The following ZNF551 variants were observed in gnomAD, a reference collection of about 807,000 sequenced individuals.
ZNF551 encodes KOX 23 protein (56 AA).
ZNF551 carries 5 observed loss-of-function variants against 7.9 expected under a neutral mutation model. The observed-to-expected ratio is 0.63, with a 90% CI of 0.33 to 1.33. ZNF551 has a LOEUF of 1.33. Ranked by LOEUF, ZNF551 falls within the 40% of genes most tolerant of loss-of-function variation. The pLI, the probability that ZNF551 is intolerant of heterozygous loss-of-function variation, is 0.05. For missense variants in ZNF551, 788 were observed against 825.2 expected (o/e 0.95, Z 0.55); for synonymous variants, 287 against 277.3 (o/e 1.03, Z -0.35).
chr19:57,685,510 C>CT, intron 2 of ZNF551, 125 bp downstream of exon 2: 1 of 1,460,284 alleles, frequency 6.8e-7, no homozygotes, highest in Non-Finnish European at 9.6e-7. Context: ...GTCAGGATGA[C>CT]TGTGTACAGA....
At chr19:57,683,465 C>T (rs570882302) in intron 1 of ZNF551, among the ~76,000 whole-genome samples, 1 of 152,236 alleles carries the variant, frequency 6.6e-6, no homozygotes, top group South Asian at 2.1e-4. Flanking sequence ...TTTTGACCTG[C>T]TAAGAGTATG....
Position 57,685,223 on chromosome 19 carries a change from C to A in ZNF551, c.82-39C>A, listed in dbSNP as rs201686355. ...TTGGGGGCAAGAGGATAATGAACTC[C>A]GGGTCTGATCGTGGATTGAACTATT... On this transcript the variant is annotated intron_variant, in intron 1 of 2. Coordinates refer to ENST00000282296, the MANE Select transcript of ZNF551 (RefSeq NM_138347.5). 32 of 1,608,212 alleles carry A rather than the reference C, an allele frequency of 2.0e-5. No individual in the cohort carries two copies. The Admixed American group carries it at 5.0e-4, about 25-fold the overall frequency.
At chr19:57,686,148 T>C (rs1299242004) in intron 2 of ZNF551, among the ~76,000 whole-genome samples, 1 of 152,220 alleles carries the variant, frequency 6.6e-6, no homozygotes, top group Non-Finnish European at 1.5e-5. Context: ...CAAGTTTCAA[T>C]TGGATTTTCC....
intron 1 of ZNF551, among the ~76,000 whole-genome samples, chr19:57,683,584 G>A (rs764412269): frequency 7.2e-5 from 11 of 152,260 alleles, no homozygotes; most frequent in South Asian, 4.1e-4. Flanking sequence ...TCTGTGGGCC[G>A]GGGTGGAGCT....
chr19:57,687,258 G>T lies in ZNF551; in HGVS notation c.983G>T (p.Arg328Leu). ...TCTGAATTCATTCACCACCAGAGACGTCACACTGGAGGAGTGCGTCATGAG... is the reference window on the plus strand; with the variant it reads ...TCTGAATTCATTCACCACCAGAGACTTCACACTGGAGGAGTGCGTCATGAG... ...HKSEFIHHQR[R>L]HTGGVRHECG... The change falls in exon 3 of 3, where the codon CGT (arginine) becomes CTT (leucine). Residue 328 changes from arginine to leucine, a missense_variant. By Grantham distance (102) the Arg-to-Leu change is moderately radical. Coordinates refer to ENST00000282296, the MANE Select transcript of ZNF551 (RefSeq NM_138347.5). 3 of 1,613,974 alleles carry T rather than the reference G, an allele frequency of 1.9e-6. No individual in the cohort carries two copies. Among genetic ancestry groups the T allele is most frequent in the East Asian group, 2.2e-5 (1 of 44,864 alleles).
rs1295794279 is a variant in ZNF551 at position 57,687,128 on chromosome 19, G to A, written c.853G>A (p.Glu285Lys). ...AAAGATGTTTGAGTGTAGTGAATGT[G>A]AGGAATCCTTTAGCAAAAAGTGCCA... ...GQKMFECSEC[E>K]ESFSKKCHLI... Residue 285 changes from glutamate to lysine, a missense_variant, in exon 3 of 3, where the codon GAG (glutamate) becomes AAG (lysine). Transcript: ENST00000282296. 5.0e-6 allele frequency: 8 copies of A among 1,614,124 alleles called. No homozygotes were observed. The highest frequency in any genetic ancestry group is 6.8e-6 in the Non-Finnish European group (8 of 1,180,054).
chr19:57,682,109 C>T lies in ZNF551; in HGVS notation c.-55C>T, dbSNP rs1432305426. The T allele has an allele frequency of 2.6e-6, 4 of 1,514,656 alleles. No individual in the cohort carries two copies. In the South Asian group the frequency reaches 3.6e-5, roughly 14 times the overall value. The allele number at this position is 1,514,656 out of a possible 1,614,324, so 93.8% of individuals were successfully genotyped here. On this transcript the variant is annotated 5_prime_UTR_variant, in exon 1 of 3. Transcript: ENST00000282296. ...TCGCGAAAGTGGGCCAGAGGTTCTGCGACACCACCTCGGGTGAGCTGCGCC... is the reference window on the plus strand; with the variant it reads ...TCGCGAAAGTGGGCCAGAGGTTCTGTGACACCACCTCGGGTGAGCTGCGCC...
Position 57,688,065 on chromosome 19 carries a change from G to A in ZNF551, c.1790G>A (p.Ser597Asn), listed in dbSNP as rs773628563. ...TGTAGTGAATGTGGGAAATCCTTTA[G>A]CCAGAGCTCTAGCCTCATTCAACAC... The part of the protein sequence containing the change: ...YECSECGKSF[S>N]QSSSLIQHQR... Residue 597 changes from serine to asparagine, a missense_variant, in exon 3 of 3, where the codon AGC becomes AAC. Ser to Asn is a conservative substitution (Grantham distance 46). Coordinates refer to ENST00000282296, the MANE Select transcript of ZNF551 (RefSeq NM_138347.5). 17 of 1,614,090 alleles carry A rather than the reference G, an allele frequency of 1.1e-5. No individual in the cohort carries two copies. The highest frequency in any genetic ancestry group is 1.7e-5 in the Admixed American group (1 of 60,006).
chr19:57,686,363 C>G (rs943345019), intron 2 of ZNF551, 118 bp from the exon 3 acceptor site: 1 of 1,382,870 alleles, frequency 7.2e-7, no homozygotes, highest in Non-Finnish European at 9.8e-7. Flanking sequence ...CTCCCCAGTT[C>G]CGTTGTTCTC....
intron 1 of ZNF551, among the ~76,000 whole-genome samples, chr19:57,684,152 G>T (rs371879176): frequency 1.6e-4 from 25 of 152,280 alleles, no homozygotes; most frequent in African/African-American, 6.0e-4. Flanking sequence ...GAATAGTCAG[G>T]TAGAAAGGCC....
In ZNF551 at chr19:57,689,823, A is replaced by G. The variant is rs1008367557; in HGVS notation, c.*1535A>G. On this transcript the variant is annotated 3_prime_UTR_variant, in exon 3 of 3. Transcript: ENST00000282296. Reference sequence around the variant, plus strand: ...CCAAAAAAAAAAAAGAAAATAGTCTATAAAGGTTTTGTGGCTCCTTGTATC... The same window carrying G: ...CCAAAAAAAAAAAAGAAAATAGTCTGTAAAGGTTTTGTGGCTCCTTGTATC... 9 of 152,530 alleles carry G rather than the reference A, an allele frequency of 5.9e-5. No homozygotes were observed. In the East Asian group the frequency reaches 7.7e-4, roughly 13 times the overall value. The allele number at this position is 152,530 out of a possible 1,614,324, so 9.4% of individuals were successfully genotyped here. A position where few individuals can be genotyped will look rare whatever the true frequency, so the allele number is the denominator to read the frequency against.
chr19:57,682,222 T>A lies in ZNF551; in HGVS notation c.59T>A (p.Val20Asp). The change falls in exon 1 of 3, where the codon GTC (valine) becomes GAC (aspartate). Residue 20 changes from valine (V) to aspartate (D), a missense_variant. Val to Asp is a radical substitution (Grantham distance 152). Transcript: ENST00000282296. ...AGTCCACGGAGCTCAATGGCGGCAG[T>A]CGCGCTGAGGGACTCGGCTCAGGTG... ...PPSPRSSMAA[V>D]ALRDSAQGMT... 1 of 1,550,494 alleles carries A rather than the reference T, an allele frequency of 6.4e-7. No homozygotes were observed. Among genetic ancestry groups the A allele is most frequent in the Non-Finnish European group, 8.7e-7 (1 of 1,146,948 alleles).
rs538730826 is a variant in ZNF551, at chr19:57,686,917, G to T, written c.642G>T (p.Gln214His). The change falls in exon 3 of 3, where the codon CAG becomes CAT. Residue 214 changes from glutamine (Q) to histidine (H), a missense_variant. Physicochemically the swap from Gln to His is conservative, Grantham distance 24. Transcript: ENST00000282296. ...ACAGTAGCAGCAGCAAGCATATACA[G>T]GCATTTTTCAATGCAAAAAGTTATT... ...EPHSSSSKHI[Q>H]AFFNAKSYYK... is the part of the protein sequence containing the mutation. 1 of 1,614,180 alleles carries T rather than the reference G, an allele frequency of 6.2e-7. No individual in the cohort carries two copies. The highest frequency in any genetic ancestry group is 2.2e-5 in the East Asian group (1 of 44,886).
chr19:57,688,398 A>T lies in ZNF551; in HGVS notation c.*110A>T. 1.4e-6 allele frequency: 2 copies of T among 1,436,800 alleles called. No homozygotes were observed. The highest frequency in any genetic ancestry group is 2.7e-5 in the South Asian group (2 of 73,016). The allele number at this position is 1,436,800 out of a possible 1,614,324, so 89.0% of individuals were successfully genotyped here. On this transcript the variant is annotated 3_prime_UTR_variant, in exon 3 of 3. Transcript: ENST00000282296. ...GAGCACCCACAGTGGGGTATTCTTCATAAGTTTCAGGTATGTGGGAAGCTC... is the reference window on the plus strand; with the variant it reads ...GAGCACCCACAGTGGGGTATTCTTCTTAAGTTTCAGGTATGTGGGAAGCTC...
Position 57,682,208 on chromosome 19 carries a change from C to T in ZNF551, c.45C>T (p.Ser15=). The change falls in exon 1 of 3, where the codon AGC becomes AGT. Residue 15 remains serine, a synonymous_variant. Coordinates refer to ENST00000282296, the MANE Select transcript of ZNF551 (RefSeq NM_138347.5). ...VGRRSPPSPR[S]SMAAVALRDS... ...GCCGCTCCCCGCCTAGTCCACGGAGCTCAATGGCGGCAGTCGCGCTGAGGG... is the reference window on the plus strand; with the variant it reads ...GCCGCTCCCCGCCTAGTCCACGGAGTTCAATGGCGGCAGTCGCGCTGAGGG... 6.4e-7 allele frequency: 1 copy of T among 1,550,562 alleles called. No individual in the cohort carries two copies. The highest frequency in any genetic ancestry group is 8.7e-7 in the Non-Finnish European group (1 of 1,146,964).
rs143807767 is a variant in ZNF551, at chr19:57,686,985, C to T, written c.710C>T (p.Thr237Ile). Residue 237 changes from threonine (T) to isoleucine (I), a missense_variant, in exon 3 of 3, where the codon ACA (threonine) becomes ATA (isoleucine). Transcript: ENST00000282296. Reference protein sequence around the residue: ...EYRKASSHKHTLVQHQSVCSE... With the variant: ...EYRKASSHKHILVQHQSVCSE... ...AGAAAAGCTTCAAGCCACAAACACACACTTGTTCAGCATCAGAGTGTCTGT... is the reference window on the plus strand; with the variant it reads ...AGAAAAGCTTCAAGCCACAAACACATACTTGTTCAGCATCAGAGTGTCTGT... 6 of 1,614,204 alleles carry T rather than the reference C, an allele frequency of 3.7e-6. No individual in the cohort carries two copies. The East Asian group carries it at 1.3e-4, about 36-fold the overall frequency.
In ZNF551 at chr19:57,685,218, A is replaced by C. The variant is rs377231938; in HGVS notation, c.82-44A>C. The C allele has an allele frequency of 1.9e-6, 3 of 1,605,604 alleles. No homozygotes were observed. In the African/African-American group the frequency reaches 4.0e-5, roughly 21 times the overall value. ...GGATGTTGGGGGCAAGAGGATAATG[A>C]ACTCCGGGTCTGATCGTGGATTGAA... On this transcript the variant is annotated intron_variant, in intron 1 of 2. Coordinates refer to ENST00000282296, the MANE Select transcript of ZNF551 (RefSeq NM_138347.5).
chr19:57,688,039 A>G lies in ZNF551; in HGVS notation c.1764A>G (p.Glu588=), dbSNP rs1984641093. ...TTCACACTGGAGAAAGGCCTTATGA[A>G]TGTAGTGAATGTGGGAAATCCTTTA... is the stretch of plus-strand genomic sequence containing the variant. ...QRVHTGERPY[E]CSECGKSFSQ... The change falls in exon 3 of 3, where the codon GAA becomes GAG. Residue 588 remains glutamate (E), a synonymous_variant. Transcript: ENST00000282296. 3 of 1,613,868 alleles carry G rather than the reference A, an allele frequency of 1.9e-6. No individual in the cohort carries two copies. Among genetic ancestry groups the G allele is most frequent in the Non-Finnish European group, 2.5e-6 (3 of 1,179,936 alleles).
rs1381244345 is a variant in ZNF551 at position 57,687,405 on chromosome 19, G to A, written c.1130G>A (p.Ser377Asn). Residue 377 changes from serine (S) to asparagine (N), a missense_variant, in exon 3 of 3, where the codon AGC becomes AAC. Transcript: ENST00000282296. ...ECGKSFRQSS[S>N]LFRHQRVHSG... Reference sequence around the variant, plus strand: ...GGGAAATCCTTTAGACAAAGCTCTAGCCTTTTTCGACACCAGAGAGTTCAC... The same window carrying A: ...GGGAAATCCTTTAGACAAAGCTCTAACCTTTTTCGACACCAGAGAGTTCAC... The A allele has an allele frequency of 1.2e-6, 2 of 1,613,530 alleles. No individual in the cohort carries two copies. The highest frequency in any genetic ancestry group is 1.1e-5 in the South Asian group (1 of 91,040).
Sources: allele counts gnomAD v4.1 joint callset (sites outside exome capture counted in the v4.1 genomes callset), GRCh38; gene constraint gnomAD v4.1.1; transcripts MANE v1.5; gene names NCBI Gene and HGNC (gene_info 2026-07-23, HGNC 2026-07-21).